Variants in CSMD3 observed in about 807,000 individuals in gnomAD.
The protein encoded by CSMD3 is CUB and Sushi multiple domains 3.
CSMD3 carries 177 observed loss-of-function variants against 435.2 expected under a neutral mutation model. The ratio of observed to expected loss-of-function variants is 0.41; its 90% CI spans 0.36 to 0.46. The LOEUF is 0.46. Ranked by LOEUF, CSMD3 falls within the 20% of genes least tolerant of loss-of-function variation. The pLI is 0.34. For missense variants in CSMD3, 4,265 were observed against 4,504.6 expected, an observed-to-expected ratio of 0.95 and a Z score of 1.52; for synonymous variants, 1,656 against 1,520.5, an observed-to-expected ratio of 1.09 and a Z score of -2.07.
At chr8:112,714,166 T>C (rs2076672586) in intron 13 of CSMD3, among the ~76,000 whole-genome samples, 1 of 151,894 alleles carries the variant, frequency 6.6e-6, no homozygotes, top group Non-Finnish European at 1.5e-5. Flanking sequence ...GTGTGCTGTA[T>C]TCAGGAGACC....
At chr8:113,212,530 C>T (rs1356070726) in intron 3 of CSMD3, among the ~76,000 whole-genome samples, 1 of 152,124 alleles carries the variant, frequency 6.6e-6, no homozygotes, top group Non-Finnish European at 1.5e-5. Context: ...TAATGTGGCA[C>T]ATATACACCA....
chr8:112,378,587 A>G (rs1829175320), intron 38 of CSMD3, among the ~76,000 whole-genome samples: 1 of 152,210 alleles, frequency 6.6e-6, no homozygotes, highest in African/African-American at 2.4e-5. Flanking sequence ...GCATATTCTC[A>G]CGCATAGGTG....
intron 32 of CSMD3, among the ~76,000 whole-genome samples, chr8:112,470,752 C>T (rs1033959778): frequency 3.3e-5 from 5 of 151,932 alleles, no homozygotes; most frequent in African/African-American, 1.2e-4. Flanking sequence ...TGTCCAAGGG[C>T]AGATAGCTAA....
chr8:113,348,281 T>C (rs7827636), intron 1 of CSMD3, among the ~76,000 whole-genome samples: 2 of 152,128 alleles, frequency 1.3e-5, no homozygotes, highest in Admixed American at 6.6e-5. Context: ...CACAGCACTG[T>C]GAGGTACCTG....
intron 12 of CSMD3, among the ~76,000 whole-genome samples, chr8:112,813,922 C>T (rs1233663317): frequency 1.3e-5 from 2 of 152,212 alleles, no homozygotes; most frequent in Non-Finnish European, 2.9e-5. Flanking sequence ...GCTCCACCCC[C>T]TGCAAATGGT....
chr8:113,017,147 G>T (rs551883737), intron 6 of CSMD3, among the ~76,000 whole-genome samples: 52 of 151,928 alleles, frequency 3.4e-4, no homozygotes, highest in African/African-American at 1.2e-3. Context: ...GCAGCAAATA[G>T]AAATAAGTTG....
intron 1 of CSMD3, among the ~76,000 whole-genome samples, chr8:113,387,608 A>G (rs915959277): frequency 6.6e-6 from 1 of 151,662 alleles, no homozygotes; most frequent in Non-Finnish European, 1.5e-5. Context: ...GCAAATGTAG[A>G]CAGACTTTAA....
intron 1 of CSMD3, among the ~76,000 whole-genome samples, chr8:113,325,856 C>CA (rs531385832): frequency 1.4e-3 from 215 of 152,172 alleles, no homozygotes; most frequent in African/African-American, 4.8e-3. Flanking sequence ...GAATAAGTGA[C>CA]AGAGAGTGAG....
intron 28 of CSMD3, among the ~76,000 whole-genome samples, chr8:112,513,361 T>C (rs1003137401): frequency 1.3e-5 from 2 of 152,106 alleles, no homozygotes; most frequent in Non-Finnish European, 2.9e-5. Context: ...TGGTCTAATT[T>C]TAATACTGTG....
intron 38 of CSMD3, among the ~76,000 whole-genome samples, chr8:112,374,292 C>G (rs1196211970): frequency 1.3e-5 from 2 of 152,098 alleles, no homozygotes; most frequent in Non-Finnish European, 2.9e-5. Flanking sequence ...TTTTTCTCAT[C>G]TCTCTTTATC....
Position 113,436,657 on chromosome 8 carries a change from G to A in CSMD3, c.178+20C>T, listed in dbSNP as rs554238470. The A allele has an allele frequency of 1.2e-6, 2 of 1,613,214 alleles. No homozygotes were observed. Among genetic ancestry groups the A allele is most frequent in the Non-Finnish European group, 1.7e-6 (2 of 1,179,254 alleles). On this transcript the variant is annotated intron_variant, in intron 1 of 70. Transcript: ENST00000297405. ...GCCCACCTCCATCCAAAGCGGAGGG[G>A]ACCCCCAAAGCAGACCTACCTTTCA...
At chr8:112,497,027 T>C (rs1421808605) in intron 30 of CSMD3, among the ~76,000 whole-genome samples, 1 of 152,168 alleles carries the variant, frequency 6.6e-6, no homozygotes, top group Non-Finnish European at 1.5e-5. Context: ...TGTCAGTTAT[T>C]ACACATTGTA....
At chr8:112,938,554 G>A (rs1038115160) in intron 9 of CSMD3, among the ~76,000 whole-genome samples, 3 of 152,170 alleles carry the variant, frequency 2.0e-5, no homozygotes, top group Admixed American at 2.0e-4. Flanking sequence ...AGAGTAGCAT[G>A]TGCAATATTA....
At chr8:112,420,820 G>C (rs1457440387) in intron 32 of CSMD3, among the ~76,000 whole-genome samples, 1 of 152,140 alleles carries the variant, frequency 6.6e-6, no homozygotes, top group African/African-American at 2.4e-5. Context: ...TTCAGTTAGA[G>C]AAGTTTTGTT....
intron 61 of CSMD3, among the ~76,000 whole-genome samples, chr8:112,261,772 C>A (rs187608432): frequency 5.3e-5 from 8 of 151,950 alleles, no homozygotes; most frequent in Admixed American, 3.9e-4. Context: ...ACCCACCCAT[C>A]ATGAGTCTAT....
intron 3 of CSMD3, among the ~76,000 whole-genome samples, chr8:113,233,229 A>G (rs1011850183): frequency 4.0e-5 from 6 of 151,122 alleles, no homozygotes; most frequent in Non-Finnish European, 7.4e-5. Flanking sequence ...AATAATTCCT[A>G]TTCAATTGAT....
At chr8:113,182,902 T>A (rs532651576) in intron 3 of CSMD3, among the ~76,000 whole-genome samples, 5 of 152,132 alleles carry the variant, frequency 3.3e-5, no homozygotes, top group African/African-American at 1.2e-4. Context: ...GTTGTTATCG[T>A]TTTTCTATCA....
chr8:112,447,820 C>A (rs1815791427), intron 32 of CSMD3, among the ~76,000 whole-genome samples: 1 of 152,258 alleles, frequency 6.6e-6, no homozygotes, highest in South Asian at 2.1e-4. Context: ...CCTGGAATGT[C>A]TCTTTTTTAA....
chr8:113,253,668 C>T (rs145840830), intron 3 of CSMD3, among the ~76,000 whole-genome samples: 9 of 151,650 alleles, frequency 5.9e-5, no homozygotes, highest in African/African-American at 2.2e-4. Flanking sequence ...AGTGAAACCC[C>T]GTCTATACTA....
Sources: gnomAD v4.1 joint callset for allele counts (sites outside exome capture counted in the v4.1 genomes callset) on GRCh38, gnomAD v4.1.1 for gene constraint, MANE v1.5 for transcripts, NCBI Gene and HGNC (gene_info 2026-07-23, HGNC 2026-07-21) for gene names.